SNX11: variants seen among roughly 807,000 people sequenced by gnomAD.
The protein encoded by SNX11 is sorting nexin-11.
In SNX11, 19 loss-of-function variants were observed where a neutral mutation model predicts 30.7. The observed-to-expected ratio is 0.62, with a 90% CI of 0.43 to 0.91. The LOEUF (loss-of-function observed/expected upper bound fraction) is 0.91. Ranked by LOEUF, SNX11 falls within the 40% of genes least tolerant of loss-of-function variation. The pLI, the probability that SNX11 is intolerant of heterozygous loss-of-function variation, is 0.00. For synonymous variants in SNX11, 112 were observed against 119.0 expected (o/e 0.94, Z 0.38); for missense variants, 302 against 326.7 (o/e 0.92, Z 0.58).
At chr17:48,108,564 T>C (rs1272501957) in intron 1 of SNX11, among the ~76,000 whole-genome samples, 1 of 152,234 alleles carries the variant, frequency 6.6e-6, no homozygotes, top group African/African-American at 2.4e-5. Context: ...GCATTGTTAC[T>C]ATATTAGAAA....
rs1380346552 is a variant in SNX11 at position 48,120,586 on chromosome 17, G to A, written c.540-649G>A. Among the ~76,000 whole-genome samples the A allele has an allele frequency of 3.0e-5, 4 of 132,318 alleles. No homozygotes were observed. The East Asian group carries it at 9.4e-4, about 31-fold the overall frequency. 86.8% of individuals were successfully genotyped at this position (132,318 alleles called of 152,430 possible). A position where few individuals can be genotyped will look rare whatever the true frequency, so the allele number is the denominator to read the frequency against. ...GTGCAGTGGCACGATTCAGCTCACT[G>A]CAAGCTCTGCCTCCCGGGTTCACAC... On this transcript the variant is annotated intron_variant, in intron 6 of 6. Transcript: ENST00000359238.
chr17:48,113,425 T>C (rs1598332057), intron 4 of SNX11, 24 bp downstream of exon 4: 2 of 1,581,618 alleles, frequency 1.3e-6, no homozygotes, highest in Non-Finnish European at 1.7e-6. Context: ...TGCTTCCTTC[T>C]TGGGTCTGTG....
chr17:48,108,373 A>G (rs2063457761), intron 1 of SNX11, among the ~76,000 whole-genome samples: 1 of 152,212 alleles, frequency 6.6e-6, no homozygotes, highest in Admixed American at 6.5e-5. Context: ...TGTGATATTT[A>G]TAATTGGAGC....
intron 4 of SNX11, among the ~76,000 whole-genome samples, chr17:48,114,545 C>T (rs2063525088): frequency 6.6e-6 from 1 of 150,710 alleles, no homozygotes; most frequent in African/African-American, 2.4e-5. Flanking sequence ...GCAACCTCCG[C>T]CTCCCGGGTT....
chr17:48,113,548 G>T (rs1248467733), intron 4 of SNX11, 147 bp downstream of exon 4: 17 of 429,074 alleles, frequency 4.0e-5, no homozygotes, highest in Non-Finnish European at 4.6e-5. Context: ...TGTTTTTTGG[G>T]TTTTTTTTTT....
chr17:48,121,250 A>C lies in SNX11; in HGVS notation c.555A>C (p.Pro185=), dbSNP rs997480276. 6 of 1,613,936 alleles carry C rather than the reference A, an allele frequency of 3.7e-6. No homozygotes were observed. Among genetic ancestry groups the C allele is most frequent in the Non-Finnish European group, 5.1e-6 (6 of 1,179,990 alleles). The change falls in exon 7 of 7, where the codon CCA becomes CCC. Residue 185 remains proline (P), a synonymous_variant. Transcript: ENST00000359238. The part of the protein sequence containing the change: ...GDQPKSCCFL[P]RSGRRSSPSP... ...TCTTTTCCAGTTGCTGCTTTCTTCC[A>C]AGATCGGGTAGGAGGAGCTCTCCCT...
At chr17:48,112,233 A>C in intron 2 of SNX11, 148 bp downstream of exon 2, 1 of 799,298 alleles carries the variant, frequency 1.3e-6, no homozygotes, top group Non-Finnish European at 2.2e-6. Context: ...CAGGAGAAAG[A>C]AATCAACAGC....
intron 3 of SNX11, 72 bp from the exon 4 acceptor site, chr17:48,113,229 A>G (rs553367284): frequency 8.1e-7 from 1 of 1,238,348 alleles, no homozygotes; most frequent in Non-Finnish European, 1.2e-6. Context: ...GAAAGCAATG[A>G]TAGGGAGCTC....
chr17:48,109,539 T>C (rs1012504066), intron 1 of SNX11, among the ~76,000 whole-genome samples: 2 of 151,622 alleles, frequency 1.3e-5, no homozygotes, highest in Non-Finnish European at 2.9e-5. Flanking sequence ...ATTACAGACG[T>C]GAGCCACCGC....
chr17:48,118,190 G>A (rs1425517285), intron 4 of SNX11, among the ~76,000 whole-genome samples: 1 of 152,144 alleles, frequency 6.6e-6, no homozygotes, highest in Admixed American at 6.5e-5. Context: ...TTCTCACGGG[G>A]TTTTGGGATG....
chr17:48,120,294 C>A (rs979924090), intron 6 of SNX11, among the ~76,000 whole-genome samples: 7 of 148,610 alleles, frequency 4.7e-5, no homozygotes, highest in Non-Finnish European at 7.4e-5. Context: ...GCAACCTCCG[C>A]CTCCCAGGTT....
intron 2 of SNX11, chr17:48,112,295 T>C (rs541847225): frequency 6.1e-6 from 4 of 655,070 alleles, no homozygotes; most frequent in South Asian, 1.8e-5. Flanking sequence ...TTTCCTTTGA[T>C]TGGAATATAC....
chr17:48,115,148 G>A (rs1288087116), intron 4 of SNX11, among the ~76,000 whole-genome samples: 5 of 144,768 alleles, frequency 3.5e-5, no homozygotes, highest in Admixed American at 2.8e-4. Context: ...TGCTACCTCA[G>A]CCTCCTGGGT....
intron 3 of SNX11, chr17:48,113,023 C>T: frequency 2.9e-6 from 1 of 344,260 alleles, no homozygotes; most frequent in Non-Finnish European, 5.4e-6. Flanking sequence ...TAGGCGTGAG[C>T]CACCGTGCAG....
rs774783427 is a variant in SNX11 at position 48,112,590 on chromosome 17, G to C, written c.59G>C (p.Arg20Pro). Residue 20 changes from arginine (R) to proline (P), a missense_variant, in exon 3 of 7, where the codon CGT becomes CCT. By Grantham distance (103) the Arg-to-Pro change is moderately radical. Transcript: ENST00000359238. ...NQEQEEVITVRVQDPRVQNEG... is the reference protein window; with the variant it reads ...NQEQEEVITVPVQDPRVQNEG... The stretch of plus-strand genomic sequence containing the variant: ...TACCTACAGGAGGTGATTACAGTGC[G>C]TGTTCAGGACCCCCGAGTGCAGAAT... 2 of 1,613,132 alleles carry C rather than the reference G, an allele frequency of 1.2e-6. No homozygotes were observed. Among genetic ancestry groups the C allele is most frequent in the Non-Finnish European group, 1.7e-6 (2 of 1,179,282 alleles).
chr17:48,113,293 A>G lies in SNX11; in HGVS notation c.130-8A>G. The G allele has an allele frequency of 6.2e-7, 1 of 1,610,174 alleles. No homozygotes were observed. The highest frequency in any genetic ancestry group is 1.7e-4 in the Middle Eastern group (1 of 6,050). ...CTTTTCATGTACTTCATGTGCTTTC[A>G]TGTATAGACCAACAGCAAAGCCTTT... On this transcript the variant is annotated splice_region_variant and splice_polypyrimidine_tract_variant and intron_variant, in intron 3 of 6. Coordinates refer to ENST00000359238, the MANE Select transcript of SNX11 (RefSeq NM_013323.3).
chr17:48,111,454 C>G (rs1466452617), intron 1 of SNX11, among the ~76,000 whole-genome samples: 3 of 152,090 alleles, frequency 2.0e-5, no homozygotes, highest in Non-Finnish European at 2.9e-5. Context: ...TCGAGACCAG[C>G]CTGACCAACA....
chr17:48,112,464 T>C lies in SNX11; in HGVS notation c.43-110T>C, dbSNP rs1371908150. 8.3e-6 allele frequency: 6 copies of C among 719,744 alleles called. No individual in the cohort carries two copies. The African/African-American group carries it at 1.1e-4, about 13-fold the overall frequency. 44.6% of individuals were successfully genotyped at this position (719,744 alleles called of 1,614,324 possible). ...GAAAGTTGAATTGAATAAATGAAAG[T>C]TGGTGTTGAGTGAATGAAAGTTGGT... On this transcript the variant is annotated intron_variant, in intron 2 of 6. Transcript: ENST00000359238.
At chr17:48,111,595 C>CGAGATG (rs1555583019) in intron 1 of SNX11, among the ~76,000 whole-genome samples, 1 of 147,584 alleles carries the variant, frequency 6.8e-6, no homozygotes, top group Non-Finnish European at 1.5e-5. Flanking sequence ...TGTGGTGAGC[C>CGAGATG]GAGATTGTGC....
Sources: allele counts gnomAD v4.1 joint callset (sites outside exome capture counted in the v4.1 genomes callset), GRCh38; gene constraint gnomAD v4.1.1; transcripts MANE v1.5; gene names NCBI Gene and HGNC (gene_info 2026-07-23, HGNC 2026-07-21).